AGO1: variants seen among roughly 807,000 people sequenced by gnomAD.
AGO1 encodes argonaute RISC component 1, also known as protein argonaute-1.
A neutral mutation model predicts 109.2 loss-of-function variants in AGO1; 11 were observed. The ratio of observed to expected loss-of-function variants is 0.10; its 90% CI spans 0.06 to 0.17. AGO1 has a LOEUF of 0.17. Ranked by LOEUF, AGO1 falls within the 10% of genes least tolerant of loss-of-function variation. AGO1 has a pLI of 1.00. For synonymous variants in AGO1, 422 were observed against 418.6 expected (o/e 1.01, Z -0.10); for missense variants, 574 against 1,140.3 (o/e 0.50, Z 7.15).
intron 1 of AGO1, among the ~76,000 whole-genome samples, chr1:35,886,821 A>G (rs1204169800): frequency 6.6e-6 from 1 of 152,132 alleles, no homozygotes; most frequent in Admixed American, 6.5e-5. Flanking sequence ...AGTATGTTGA[A>G]TACTTCCTGT....
Position 35,913,852 on chromosome 1 carries a change from A to G in AGO1, c.1593A>G (p.Lys531=), listed in dbSNP as rs1645685994. 1 of 1,613,854 alleles carries G rather than the reference A, an allele frequency of 6.2e-7. No individual in the cohort carries two copies. The highest frequency in any genetic ancestry group is 8.5e-7 in the Non-Finnish European group (1 of 1,179,962). Residue 531 remains lysine, a synonymous_variant, in exon 13 of 19, where the codon AAA becomes AAG. Transcript: ENST00000373204. ...TCTCCCTGCCCTTAGCTGAGGTGAA[A>G]CGTGTCGGAGATACACTCTTGGGAA... ...PGKTPVYAEV[K]RVGDTLLGMA... is the part of the protein sequence containing the mutation.
intron 17 of AGO1, among the ~76,000 whole-genome samples, 180 bp from the exon 18 acceptor site, chr1:35,918,875 G>A (rs760579885): frequency 3.4e-4 from 51 of 152,166 alleles, no homozygotes; most frequent in Non-Finnish European, 3.7e-4. Context: ...GTCGTAATAA[G>A]CCCTGAGTAC....
At chr1:35,917,531 G>A (rs774227358) in intron 15 of AGO1, 62 bp from the exon 16 acceptor site, 13 of 1,561,598 alleles carry the variant, frequency 8.3e-6, no homozygotes, top group Non-Finnish European at 1.1e-5. Flanking sequence ...GTTCAGAAGG[G>A]TATGTGAACT....
intron 11 of AGO1, among the ~76,000 whole-genome samples, chr1:35,905,537 G>T (rs1645503888): frequency 6.6e-6 from 1 of 151,944 alleles, no homozygotes; most frequent in Non-Finnish European, 1.5e-5. Context: ...GCGCAATCTC[G>T]GCTCACTGCA....
At position 35,918,934 on chromosome 1, in the gene AGO1, G is replaced by T. The variant is rs550168397; in HGVS notation, c.2266-121G>T. The T allele has an allele frequency of 6.7e-5, 58 of 870,022 alleles. 1 individual carries two copies. The African/African-American group carries it at 8.9e-4, about 13-fold the overall frequency. 53.9% of individuals were successfully genotyped at this position (870,022 alleles called of 1,614,324 possible). Reference sequence around the variant, plus strand: ...AGTGCTTTATGACATTGGTAGTTTTGCATCTGCCTGTTCATGGGTGAATTA... The same window carrying T: ...AGTGCTTTATGACATTGGTAGTTTTTCATCTGCCTGTTCATGGGTGAATTA... On this transcript the variant is annotated intron_variant, in intron 17 of 18. Transcript: ENST00000373204.
chr1:35,870,341 T>C (rs978926890), intron 1 of AGO1, among the ~76,000 whole-genome samples: 3 of 152,072 alleles, frequency 2.0e-5, no homozygotes, highest in African/African-American at 7.2e-5. Context: ...TGGGGTGCAG[T>C]GGCGCCATCT....
chr1:35,906,847 T>G (rs191832813), intron 11 of AGO1, 88 bp from the exon 12 acceptor site: 84 of 1,125,222 alleles, frequency 7.5e-5, no homozygotes, highest in Non-Finnish European at 1.7e-5. Context: ...GTGCCTCTTA[T>G]AGTGCTAAGC....
intron 16 of AGO1, 133 bp from the exon 17 acceptor site, chr1:35,918,189 A>T: frequency 1.3e-6 from 1 of 742,200 alleles, no homozygotes; most frequent in South Asian, 1.6e-5. Context: ...TTATTTTAAG[A>T]TTCAGTACCC....
At position 35,894,313 on chromosome 1, in the gene AGO1, A is replaced by G; in HGVS notation, c.785-2A>G. On this transcript the variant is annotated splice_acceptor_variant, in intron 6 of 18. Coordinates refer to ENST00000373204, the MANE Select transcript of AGO1 (RefSeq NM_012199.5). LOFTEE classifies it high-confidence loss of function. ...CCCTGACAAGCAGTGTGTGTATCTC[A>G]GGCCTGAAGGTGGAAGTCACCCACT... 6.2e-7 allele frequency: 1 copy of G among 1,612,800 alleles called. No homozygotes were observed.
rs1645997657 is a variant in AGO1, at chr1:35,929,657, G to A, written c.*10050G>A. 6.6e-6 allele frequency: 1 copy of A among 152,044 alleles called. No individual in the cohort carries two copies. Among genetic ancestry groups the A allele is most frequent in the Non-Finnish European group, 1.5e-5 (1 of 68,002 alleles). The allele number at this position is 152,044 out of a possible 1,614,324, so 9.4% of individuals were successfully genotyped here. A position where few individuals can be genotyped will look rare whatever the true frequency, so the allele number is the denominator to read the frequency against. Reference sequence around the variant, plus strand: ...AATTTGATATTTTAAAATTGGGGAGGGTATTTTCAGCCATGGGGGTAGGGA... The same window carrying A: ...AATTTGATATTTTAAAATTGGGGAGAGTATTTTCAGCCATGGGGGTAGGGA... On this transcript the variant is annotated 3_prime_UTR_variant, in exon 19 of 19. Transcript: ENST00000373204.
At position 35,925,157 on chromosome 1, in the gene AGO1, G is replaced by T. The variant is rs1645903616; in HGVS notation, c.*5550G>T. 1 of 151,756 alleles carries T rather than the reference G, an allele frequency of 6.6e-6. No homozygotes were observed. Among genetic ancestry groups the T allele is most frequent in the South Asian group, 2.1e-4 (1 of 4,802 alleles). 9.4% of individuals were successfully genotyped at this position (151,756 alleles called of 1,614,324 possible). ...CAGAGTAGAAGAAGGTTCATGAAGG[G>T]AGTGATTAACAACATGAACTGCTGC... On this transcript the variant is annotated 3_prime_UTR_variant, in exon 19 of 19. Transcript: ENST00000373204.
chr1:35,919,297 A>G lies in AGO1; in HGVS notation c.2465+43A>G, dbSNP rs375985449. The G allele has an allele frequency of 2.7e-5, 42 of 1,580,470 alleles. No homozygotes were observed. The highest frequency in any genetic ancestry group is 3.4e-5 in the Non-Finnish European group (40 of 1,161,328). ...GTTGGCCTCCTTTTTGCTTCAGCCT[A>G]TTGTGCCAGATCTTCTTAACTTTCC... On this transcript the variant is annotated intron_variant, in intron 18 of 18. Transcript: ENST00000373204. This position sits in a 1 kb window ranked among gnomAD's most constrained non-coding sequence, Gnocchi z 6.6.
Position 35,893,616 on chromosome 1 carries a change from T to G in AGO1, c.513-58T>G. The G allele has an allele frequency of 6.5e-7, 1 of 1,535,212 alleles. No homozygotes were observed. On this transcript the variant is annotated intron_variant, in intron 4 of 18. Coordinates refer to ENST00000373204, the MANE Select transcript of AGO1 (RefSeq NM_012199.5). This position sits in a 1 kb window ranked among gnomAD's most constrained non-coding sequence, Gnocchi z 5.6. ...GGCCAGGGCTCCTCCGTGCCCAGGA[T>G]GCCTCACAGGGTGGGGGCCTGTGCC...
intron 8 of AGO1, among the ~76,000 whole-genome samples, chr1:35,897,571 C>T (rs644095): frequency 0.21 from 31,951 of 151,698 alleles, 5,427 homozygotes; most frequent in East Asian, 0.69. Context: ...ACCTGTAATC[C>T]CAGCACTTTG....
intron 2 of AGO1, among the ~76,000 whole-genome samples, chr1:35,889,771 A>G (rs752483324): frequency 6.6e-5 from 10 of 151,898 alleles, no homozygotes; most frequent in Non-Finnish European, 1.3e-4. Context: ...GGTTCAGGCA[A>G]TTCTCGTGCC....
chr1:35,900,645 T>G (rs1216083088), intron 8 of AGO1, among the ~76,000 whole-genome samples: 1 of 152,212 alleles, frequency 6.6e-6, no homozygotes, highest in Non-Finnish European at 1.5e-5. Context: ...GAGAATCGCT[T>G]GAACCTGGGA....
At position 35,906,999 on chromosome 1, in the gene AGO1, T is replaced by A; in HGVS notation, c.1462T>A (p.Cys488Ser). ...GGGGATGCCTATCCAGGGTCAACCT[T>A]GTTTCTGCAAATATGCACAGGGGGC... Reference protein sequence around the residue: ...DAGMPIQGQPCFCKYAQGADS... With the variant: ...DAGMPIQGQPSFCKYAQGADS... Residue 488 changes from cysteine to serine, a missense_variant, in exon 12 of 19, where the codon TGT becomes AGT. Cys to Ser is a moderately radical substitution (Grantham distance 112, BLOSUM62 -1). Coordinates refer to ENST00000373204, the MANE Select transcript of AGO1 (RefSeq NM_012199.5). The A allele has an allele frequency of 6.2e-7, 1 of 1,614,088 alleles. No homozygotes were observed. Among genetic ancestry groups the A allele is most frequent in the Non-Finnish European group, 8.5e-7 (1 of 1,180,006 alleles).
Position 35,893,633 on chromosome 1 carries a change from G to A in AGO1, c.513-41G>A. On this transcript the variant is annotated intron_variant, in intron 4 of 18. Coordinates refer to ENST00000373204, the MANE Select transcript of AGO1 (RefSeq NM_012199.5). This position sits in a 1 kb window ranked among gnomAD's most constrained non-coding sequence, Gnocchi z 5.6. ...GCCCAGGATGCCTCACAGGGTGGGG[G>A]CCTGTGCCCGAGGGACCAGTTCTCT... 2 of 1,573,322 alleles carry A rather than the reference G, an allele frequency of 1.3e-6. No homozygotes were observed. Among genetic ancestry groups the A allele is most frequent in the Non-Finnish European group, 1.7e-6 (2 of 1,155,854 alleles).
rs1226998190 is a variant in AGO1 at position 35,922,092 on chromosome 1, A to G, written c.*2485A>G. On this transcript the variant is annotated 3_prime_UTR_variant, in exon 19 of 19. Coordinates refer to ENST00000373204, the MANE Select transcript of AGO1 (RefSeq NM_012199.5). ...CATTCACCAGCATTTGCAAATGTCC[A>G]TAGGGAGCAGGTGGCAGCCTCTACT... 2 of 152,718 alleles carry G rather than the reference A, an allele frequency of 1.3e-5. No homozygotes were observed. Among genetic ancestry groups the G allele is most frequent in the Non-Finnish European group, 2.9e-5 (2 of 68,094 alleles). 9.5% of individuals were successfully genotyped at this position (152,718 alleles called of 1,614,324 possible). A position where few individuals can be genotyped will look rare whatever the true frequency, so the allele number is the denominator to read the frequency against.
Sources: gnomAD v4.1 joint callset for allele counts (sites outside exome capture counted in the v4.1 genomes callset) on GRCh38, gnomAD v4.1.1 for gene constraint, Gnocchi (gnomAD v3.1) non-coding constraint, MANE v1.5 for transcripts, NCBI Gene and HGNC (gene_info 2026-07-23, HGNC 2026-07-21) for gene names.